The following RIF1 variants were observed in gnomAD, a reference collection of about 807,000 sequenced individuals.
RIF1 encodes the protein telomere-associated protein RIF1.
RIF1 carries 45 observed loss-of-function variants against 247.1 expected under a neutral mutation model. The ratio of observed to expected loss-of-function variants is 0.18; its 90% confidence interval spans 0.14 to 0.23. The LOEUF (loss-of-function observed/expected upper bound fraction) is 0.23, where lower values mean the gene tolerates loss of function less well. Ranked by LOEUF, RIF1 falls within the 10% of genes least tolerant of loss-of-function variation. The pLI, the probability that RIF1 is intolerant of heterozygous loss-of-function variation, is 1.00. For missense variants in RIF1, 2,967 were observed against 2,862.5 expected, an observed-to-expected ratio of 1.04 and a Z score of -0.83; for synonymous variants, 1,087 against 978.8, an observed-to-expected ratio of 1.11 and a Z score of -2.06.
In RIF1 at chr2:151,506,983, T is replaced by C. The variant is rs1316958324; in HGVS notation, c.*1027+608T>C. The C allele has an allele frequency of 1.9e-6, 3 of 1,609,486 alleles. No individual in the cohort carries two copies. The highest frequency in any genetic ancestry group is 2.7e-5 in the African/African-American group (2 of 74,812). ...TCTTGAACAACTGTAATTTTTCCTT[T>C]ACTGTTTTTAAGGTCACACTGGTAT... On this transcript the variant is annotated intron_variant and NMD_transcript_variant, in intron 13 of 13. Transcript: ENST00000454583.
At chr2:151,453,198 T>C (rs1245950722) in intron 21 of RIF1, among the ~76,000 whole-genome samples, 2 of 152,168 alleles carry the variant, frequency 1.3e-5, no homozygotes, top group African/African-American at 4.8e-5. Flanking sequence ...TTATTCTTTT[T>C]CCCTTCTGAA....
At chr2:151,520,740 T>C in the RIF1 span, among the ~76,000 whole-genome samples, 1 of 151,838 alleles carries the variant, frequency 6.6e-6, no homozygotes, top group South Asian at 2.1e-4. Flanking sequence ...GGTGCACCCC[T>C]GTAGTCTCAG....
downstream of RIF1, among the ~76,000 whole-genome samples, chr2:151,509,261 T>C (rs10432479): frequency 0.61 from 93,169 of 152,092 alleles, 28,943 homozygotes; most frequent in East Asian, 0.77. Flanking sequence ...CGGTAGTTCA[T>C]CATGAACAAA....
the RIF1 span, chr2:151,513,711 G>GAAA: frequency 1.5e-6 from 2 of 1,363,564 alleles, no homozygotes; most frequent in Non-Finnish European, 9.9e-7. Context: ...AGCATTAAAA[G>GAAA]AAAAAAAAAA....
Position 151,410,485 on chromosome 2 carries a change from C to T in RIF1, c.62C>T (p.Ala21Val), listed in dbSNP as rs751262138. ...TTGGAGACTTTGGAAGACCCTTCTG[C>T]CTCCCATGGAGGGCAGACTGACGCT... Reference protein sequence around the residue: ...PLLETLEDPSASHGGQTDAYL... With the variant: ...PLLETLEDPSVSHGGQTDAYL... The change falls in exon 2 of 36, where the codon GCC becomes GTC. Residue 21 changes from alanine to valine, a missense_variant. Physicochemically the swap from Ala to Val is moderately conservative, Grantham distance 64 (BLOSUM62 0). Around this residue, in one of 7 missense-constraint regions of RIF1, gnomAD observed 269 missense variants for 288.6 expected, o/e 0.93. Coordinates refer to ENST00000444746, the MANE Select transcript of RIF1 (RefSeq NM_018151.5). The T allele has an allele frequency of 3.7e-6, 6 of 1,614,004 alleles. No homozygotes were observed. The highest frequency in any genetic ancestry group is 2.2e-5 in the East Asian group (1 of 44,876).
chr2:151,480,466 A>G lies in RIF1; in HGVS notation c.*5395A>G, dbSNP rs2049120180. 6.6e-6 allele frequency: 1 copy of G among 152,206 alleles called. No homozygotes were observed. Among genetic ancestry groups the G allele is most frequent in the Non-Finnish European group, 1.5e-5 (1 of 68,016 alleles). 9.4% of individuals were successfully genotyped at this position (152,206 alleles called of 1,614,324 possible). On this transcript the variant is annotated 3_prime_UTR_variant, in exon 36 of 36. Transcript: ENST00000444746. ...GACAAGCTGTCCTATATACTCCTGTATACTTCAGAAATAGCTGATAGCCTA... is the reference window on the plus strand; with the variant it reads ...GACAAGCTGTCCTATATACTCCTGTGTACTTCAGAAATAGCTGATAGCCTA...
At chr2:151,514,965 A>T in the RIF1 span, 1 of 1,355,346 alleles carries the variant, frequency 7.4e-7, no homozygotes. Flanking sequence ...GTTAAAAAAA[A>T]ATCTTTATTA....
chr2:151,532,895 T>C, the RIF1 span, among the ~76,000 whole-genome samples: 1 of 152,178 alleles, frequency 6.6e-6, no homozygotes, highest in African/African-American at 2.4e-5. Flanking sequence ...AAGGCATTAT[T>C]ATCAGAGACA....
intron 9 of RIF1, chr2:151,491,752 G>T (rs1305647551): frequency 1.9e-6 from 3 of 1,593,480 alleles, no homozygotes; most frequent in Non-Finnish European, 2.6e-6. Flanking sequence ...ACCGAACCAG[G>T]ATTAGTACGC....
chr2:151,488,681 G>A (rs930890322), intron 9 of RIF1, among the ~76,000 whole-genome samples: 1 of 151,876 alleles, frequency 6.6e-6, no homozygotes, highest in Non-Finnish European at 1.5e-5. Context: ...ATTATTCTTT[G>A]TACTTCTACA....
At chr2:151,490,099 CT>C (rs1166330693) in intron 9 of RIF1, 1 of 1,555,102 alleles carries the variant, frequency 6.4e-7, no homozygotes, top group African/African-American at 1.4e-5. Context: ...GGGGCAAATT[CT>C]TTATAAGAAG....
intron 20 of RIF1, among the ~76,000 whole-genome samples, chr2:151,449,755 T>C (rs1693940160): frequency 6.6e-6 from 1 of 152,236 alleles, no homozygotes; most frequent in South Asian, 2.1e-4. Context: ...TTTAATACAT[T>C]GAATGGTTTT....
In RIF1 at chr2:151,451,719, T is replaced by G. The variant is rs746354284; in HGVS notation, c.2344+14T>G. On this transcript the variant is annotated intron_variant, in intron 21 of 35. Transcript: ENST00000444746. The stretch of plus-strand genomic sequence containing the variant: ...CCAAAGTTAAATGTAAGTATGTATT[T>G]TTTAACCTTTGTTTGTCCAGTATTT... The G allele has an allele frequency of 7.7e-7, 1 of 1,293,448 alleles. No individual in the cohort carries two copies. The highest frequency in any genetic ancestry group is 1.2e-5 in the South Asian group (1 of 84,206). 80.1% of individuals were successfully genotyped at this position (1,293,448 alleles called of 1,614,324 possible).
intron 34 of RIF1, among the ~76,000 whole-genome samples, chr2:151,473,411 T>G (rs977264709): frequency 3.4e-5 from 5 of 148,950 alleles, no homozygotes; most frequent in Non-Finnish European, 5.9e-5. Flanking sequence ...TTCTCCTGCC[T>G]CAGCCTCCCG....
intron 11 of RIF1, among the ~76,000 whole-genome samples, 197 bp downstream of exon 11, chr2:151,435,777 T>TC (rs1280865675): frequency 3.3e-5 from 5 of 151,934 alleles, no homozygotes; most frequent in Admixed American, 6.6e-5. Flanking sequence ...GTTTTTTTTT[T>TC]TTAATATTAC....
At chr2:151,502,110 A>AACTC (rs1195424111) in intron 11 of RIF1, among the ~76,000 whole-genome samples, 1 of 152,214 alleles carries the variant, frequency 6.6e-6, no homozygotes, top group African/African-American at 2.4e-5. Context: ...TAAGTGAAGT[A>AACTC]ACTCAGGAAT....
At chr2:151,461,454 C>T (rs922870969) in intron 27 of RIF1, among the ~76,000 whole-genome samples, 165 bp downstream of exon 27, 7 of 147,800 alleles carry the variant, frequency 4.7e-5, no homozygotes, top group Admixed American at 2.0e-4. Flanking sequence ...TGCAGTGGTG[C>T]CATCTCGGCT....
the RIF1 span, chr2:151,516,570 A>G: frequency 8.9e-6 from 14 of 1,564,646 alleles, no homozygotes; most frequent in East Asian, 2.2e-5. Context: ...TCACCTGGTG[A>G]TAGAAAGCCA....
At chr2:151,525,054 AACT>A in the RIF1 span, 1 of 849,534 alleles carries the variant, frequency 1.2e-6, no homozygotes, top group African/African-American at 1.7e-5. Context: ...AACTTTTTGA[AACT>A]ACCACAGAGG....
Sources: allele counts gnomAD v4.1 joint callset (sites outside exome capture counted in the v4.1 genomes callset), GRCh38; gene constraint gnomAD v4.1.1; regional missense constraint gnomAD v4.1.1; transcripts MANE v1.5; gene names NCBI Gene and HGNC (gene_info 2026-07-23, HGNC 2026-07-21).